The following ROBO2 variants were observed in gnomAD, a reference collection of about 807,000 sequenced individuals.
The protein encoded by ROBO2 is roundabout guidance receptor 2.
ROBO2 carries 53 observed loss-of-function variants against 160.8 expected under a neutral mutation model. The ratio of observed to expected loss-of-function variants is 0.33; its 90% confidence interval spans 0.26 to 0.41. The LOEUF is 0.41. Among genes scored for constraint, ROBO2 ranks in the 10% least tolerant of loss-of-function variants. The pLI is 1.00. For synonymous variants in ROBO2, 664 were observed against 611.7 expected (o/e 1.09, Z -1.26); for missense variants, 1,577 against 1,722.4 (o/e 0.92, Z 1.49).
intron 2 of ROBO2, among the ~76,000 whole-genome samples, chr3:76,369,036 T>A (rs1576716963): frequency 6.6e-6 from 1 of 151,812 alleles, no homozygotes; most frequent in Non-Finnish European, 1.5e-5. Context: ...TTATTACATA[T>A]TTTTTTTCTG....
chr3:77,279,768 G>A (rs2060124834), intron 2 of ROBO2, among the ~76,000 whole-genome samples: 1 of 151,732 alleles, frequency 6.6e-6, no homozygotes, highest in South Asian at 2.1e-4. Context: ...AAAAATCTTG[G>A]TATCTGACTT....
intron 1 of ROBO2, among the ~76,000 whole-genome samples, chr3:75,933,447 G>C (rs1576194308): frequency 6.6e-6 from 1 of 152,188 alleles, no homozygotes; most frequent in East Asian, 1.9e-4. Context: ...AGTTTCACTG[G>C]ATAAGCATTT....
At chr3:76,002,499 G>A (rs1232761582) in intron 2 of ROBO2, among the ~76,000 whole-genome samples, 1 of 152,066 alleles carries the variant, frequency 6.6e-6, no homozygotes, top group Admixed American at 6.5e-5. Flanking sequence ...TACTGTTCTT[G>A]TAGTGGTGAA....
chr3:77,367,709 C>A (rs1366448009), intron 2 of ROBO2, among the ~76,000 whole-genome samples: 1 of 152,144 alleles, frequency 6.6e-6, no homozygotes, highest in Non-Finnish European at 1.5e-5. Flanking sequence ...AATAAACTCT[C>A]TGGATGAAAT....
intron 2 of ROBO2, among the ~76,000 whole-genome samples, chr3:76,925,389 A>T (rs2076932160): frequency 6.6e-6 from 1 of 152,116 alleles, no homozygotes; most frequent in Non-Finnish European, 1.5e-5. Context: ...GTCTTTGGAA[A>T]ATATTTTTCC....
chr3:76,510,007 G>A (rs992071460), intron 2 of ROBO2, among the ~76,000 whole-genome samples: 4 of 152,066 alleles, frequency 2.6e-5, no homozygotes, highest in Admixed American at 2.0e-4. Context: ...GGTGCAATAC[G>A]TCTTTTCTGC....
chr3:76,498,490 C>T (rs997275678), intron 2 of ROBO2, among the ~76,000 whole-genome samples: 1 of 151,666 alleles, frequency 6.6e-6, no homozygotes, highest in Non-Finnish European at 1.5e-5. Context: ...TGTGAGGTAA[C>T]ATATATGTTA....
At chr3:77,516,166 T>A (rs1196090010) in intron 5 of ROBO2, among the ~76,000 whole-genome samples, 3 of 151,626 alleles carry the variant, frequency 2.0e-5, no homozygotes, top group Admixed American at 6.6e-5. Context: ...ATAATTCCTT[T>A]GTTAAGAAAC....
At chr3:76,066,474 TTAAGAATAATACCATAGACATAAGAC>T (rs1314452182) in intron 2 of ROBO2, among the ~76,000 whole-genome samples, 1 of 152,112 alleles carries the variant, frequency 6.6e-6, no homozygotes, top group Non-Finnish European at 1.5e-5. Context: ...AACCATTTTC[TTAAGAATAATACCATAGACATAAGAC>T]TAATAAGTTT....
chr3:77,646,764 A>G (rs921250336), exon 26 of ROBO2: 2 of 152,430 alleles, frequency 1.3e-5, no homozygotes, highest in Non-Finnish European at 2.9e-5. Flanking sequence ...GGTCAAAAAA[A>G]GTAGTTTAAG....
At chr3:77,412,140 C>T (rs979870587) in intron 2 of ROBO2, among the ~76,000 whole-genome samples, 4 of 150,460 alleles carry the variant, frequency 2.7e-5, no homozygotes, top group Admixed American at 6.7e-5. Context: ...AAAAGTACCC[C>T]AGGCAGTGCT....
At chr3:76,829,619 CTTCTT>C (rs1438184869) in intron 2 of ROBO2, among the ~76,000 whole-genome samples, 2 of 150,912 alleles carry the variant, frequency 1.3e-5, no homozygotes, top group Non-Finnish European at 2.9e-5. Context: ...TATCTCTTCT[CTTCTT>C]TTCTTTTTCT....
intron 2 of ROBO2, among the ~76,000 whole-genome samples, chr3:76,817,385 T>C (rs2065766503): frequency 6.6e-6 from 1 of 152,084 alleles, no homozygotes; most frequent in Admixed American, 6.6e-5. Flanking sequence ...CAGGGCATCA[T>C]TGGAATAATT....
chr3:76,784,384 C>T (rs879051342), intron 2 of ROBO2, among the ~76,000 whole-genome samples: 26 of 151,172 alleles, frequency 1.7e-4, no homozygotes, highest in African/African-American at 5.6e-4. Context: ...GATTGTGTGT[C>T]TTCTTTTGAT....
At chr3:77,358,810 C>T (rs2069504286) in intron 2 of ROBO2, among the ~76,000 whole-genome samples, 1 of 152,128 alleles carries the variant, frequency 6.6e-6, no homozygotes, top group South Asian at 2.1e-4. Flanking sequence ...TAAGTTTCCT[C>T]CAATTCCTTA....
intron 2 of ROBO2, among the ~76,000 whole-genome samples, chr3:76,133,300 AC>A (rs1404707902): frequency 6.6e-6 from 1 of 152,042 alleles, no homozygotes; most frequent in Non-Finnish European, 1.5e-5. Flanking sequence ...TTCCCAAAAG[AC>A]ACTCAAAGTA....
At chr3:77,555,459 G>A (rs1049743458) in intron 8 of ROBO2, among the ~76,000 whole-genome samples, 3 of 151,916 alleles carry the variant, frequency 2.0e-5, no homozygotes, top group African/African-American at 7.2e-5. Context: ...GTGCTATGTT[G>A]AGCAACAATT....
intron 2 of ROBO2, among the ~76,000 whole-genome samples, chr3:77,299,835 G>A (rs1364528329): frequency 6.6e-6 from 1 of 152,082 alleles, no homozygotes; most frequent in Non-Finnish European, 1.5e-5. Flanking sequence ...GTGGTGAGTG[G>A]CAGGCAATGT....
At chr3:76,637,381 G>T (rs938856208) in intron 2 of ROBO2, among the ~76,000 whole-genome samples, 4 of 150,608 alleles carry the variant, frequency 2.7e-5, no homozygotes, top group Non-Finnish European at 5.9e-5. Context: ...AGACTTCAAA[G>T]ACCTGCATTT....
Sources: allele counts gnomAD v4.1 joint callset (sites outside exome capture counted in the v4.1 genomes callset), GRCh38; gene constraint gnomAD v4.1.1; transcripts MANE v1.5; gene names NCBI Gene and HGNC (gene_info 2026-07-23, HGNC 2026-07-21).